PDS5A: variants seen among roughly 807,000 people sequenced by gnomAD.
PDS5A encodes the protein PDS5 cohesin associated factor A.
Under a neutral mutation model 167.1 loss-of-function variants are expected in PDS5A, and 42 were observed. That is an observed-to-expected ratio of 0.25 (90% CI 0.20 to 0.33). The LOEUF (loss-of-function observed/expected upper bound fraction) is 0.33. Among genes scored for constraint, PDS5A ranks in the 10% least tolerant of loss-of-function variants. PDS5A has a pLI of 1.00. For missense variants in PDS5A, 1,033 were observed against 1,605.9 expected (o/e 0.64, Z 6.10); for synonymous variants, 553 against 554.6 (o/e 1.00, Z 0.04).
chr4:39,973,819 CCA>C (rs949790721), intron 2 of PDS5A: 22 of 1,153,300 alleles, frequency 1.9e-5, no homozygotes, highest in Admixed American at 5.1e-5. Flanking sequence ...GGCAGCTATT[CCA>C]CAGACTCAGA....
intron 26 of PDS5A, among the ~76,000 whole-genome samples, chr4:39,861,437 A>G (rs6848394): frequency 0.69 from 104,580 of 152,014 alleles, 37,904 homozygotes; most frequent in Middle Eastern, 0.85. Flanking sequence ...CAGCCTGGGC[A>G]AAAGAGCAAG....
intron 2 of PDS5A, among the ~76,000 whole-genome samples, chr4:39,964,704 T>A (rs763619647): frequency 6.7e-6 from 1 of 148,662 alleles, no homozygotes; most frequent in Non-Finnish European, 1.5e-5. Flanking sequence ...CAAAAAATAA[T>A]AATAAAATAT....
chr4:39,861,563 C>A (rs1361096704), intron 26 of PDS5A, among the ~76,000 whole-genome samples: 1 of 152,018 alleles, frequency 6.6e-6, no homozygotes, highest in Non-Finnish European at 1.5e-5. Context: ...CTATAGTTAA[C>A]AATAATTTAT....
chr4:39,866,611 G>A (rs565412521), intron 23 of PDS5A, among the ~76,000 whole-genome samples: 2 of 152,272 alleles, frequency 1.3e-5, no homozygotes, highest in Admixed American at 6.5e-5. Context: ...AACTGTAATA[G>A]TACAATATAG....
intron 13 of PDS5A, 126 bp from the exon 14 acceptor site, chr4:39,900,633 C>A: frequency 1.6e-6 from 1 of 629,952 alleles, no homozygotes; most frequent in Non-Finnish European, 2.9e-6. Context: ...AGTTTAAATA[C>A]CGGGAAATAT....
chr4:39,909,325 A>G (rs955100192), intron 10 of PDS5A, among the ~76,000 whole-genome samples: 3 of 152,108 alleles, frequency 2.0e-5, no homozygotes, highest in African/African-American at 7.2e-5. Context: ...GGGTTTCACC[A>G]TGTTGGCCAG....
chr4:39,856,415 C>T (rs1188174710), intron 26 of PDS5A, among the ~76,000 whole-genome samples: 1 of 152,124 alleles, frequency 6.6e-6, no homozygotes, highest in Non-Finnish European at 1.5e-5. Context: ...TAATTTAAAG[C>T]CATAAGAAGA....
At chr4:39,956,642 G>A (rs1208721905) in intron 2 of PDS5A, among the ~76,000 whole-genome samples, 1 of 151,476 alleles carries the variant, frequency 6.6e-6, no homozygotes, top group East Asian at 1.9e-4. Flanking sequence ...AAGCTTTATA[G>A]GTATATGCTT....
Position 39,879,760 on chromosome 4 carries a change from T to C in PDS5A, c.1960A>G (p.Thr654Ala). ...DDEEEGVSPD[T>A]AIRSGLELLK... ...AGTTCAAGTCCTGAACGGATAGCTGTATCTGGACTTACACCCTCCTCTTCA... is the reference window on the plus strand; with the variant it reads ...AGTTCAAGTCCTGAACGGATAGCTGCATCTGGACTTACACCCTCCTCTTCA... Residue 654 changes from threonine (T) to alanine (A), a missense_variant, in exon 18 of 33, where the codon ACA becomes GCA. Thr to Ala is a moderately conservative substitution (Grantham distance 58). Transcript: ENST00000303538. 1 of 1,610,492 alleles carries C rather than the reference T, an allele frequency of 6.2e-7. No homozygotes were observed. The highest frequency in any genetic ancestry group is 1.1e-5 in the South Asian group (1 of 91,030).
At chr4:39,874,704 C>T (rs1720323243) in intron 19 of PDS5A, among the ~76,000 whole-genome samples, 1 of 152,128 alleles carries the variant, frequency 6.6e-6, no homozygotes, top group Non-Finnish European at 1.5e-5. Flanking sequence ...AAAGCTTACC[C>T]CATGACATAT....
At chr4:39,891,373 C>A (rs1578680745) in intron 16 of PDS5A, among the ~76,000 whole-genome samples, 2 of 151,534 alleles carry the variant, frequency 1.3e-5, no homozygotes, top group Non-Finnish European at 2.9e-5. Flanking sequence ...TCAGGCCGGG[C>A]GCAGGTGGCT....
intron 2 of PDS5A, among the ~76,000 whole-genome samples, chr4:39,931,486 G>A (rs1318403049): frequency 6.6e-6 from 1 of 152,152 alleles, no homozygotes; most frequent in Non-Finnish European, 1.5e-5. Context: ...GTTATCTGAA[G>A]GCTTGACTGG....
chr4:39,829,984 A>G (rs908539952), intron 32 of PDS5A, among the ~76,000 whole-genome samples: 3 of 125,344 alleles, frequency 2.4e-5, no homozygotes, highest in Non-Finnish European at 5.1e-5. Context: ...AAAAAAAAAA[A>G]GAAATTTCCA....
intron 2 of PDS5A, among the ~76,000 whole-genome samples, chr4:39,955,262 C>T (rs1560515302): frequency 1.3e-5 from 2 of 152,018 alleles, no homozygotes; most frequent in South Asian, 4.1e-4. Context: ...AAACAATACA[C>T]GAATATGGAC....
intron 16 of PDS5A, among the ~76,000 whole-genome samples, chr4:39,891,588 C>T (rs187188207): frequency 5.3e-5 from 8 of 151,808 alleles, no homozygotes; most frequent in Admixed American, 2.6e-4. Context: ...GCGGAGGCTG[C>T]GGTGAGCTGA....
At chr4:39,844,842 T>G in intron 29 of PDS5A, 41 bp from the exon 30 acceptor site, 1 of 1,564,740 alleles carries the variant, frequency 6.4e-7, no homozygotes, top group Non-Finnish European at 8.6e-7. Flanking sequence ...ACACACACGT[T>G]TATACCTTAC....
At chr4:39,875,441 G>T (rs939807444) in intron 19 of PDS5A, among the ~76,000 whole-genome samples, 9 of 152,104 alleles carry the variant, frequency 5.9e-5, no homozygotes, top group African/African-American at 1.9e-4. Context: ...TTTAAGGAAA[G>T]ATATTTGTCA....
At chr4:39,839,884 A>G (rs896001376) in intron 31 of PDS5A, among the ~76,000 whole-genome samples, 5 of 152,026 alleles carry the variant, frequency 3.3e-5, no homozygotes, top group Non-Finnish European at 7.4e-5. Context: ...TCACGAGGTC[A>G]GGAGTTCAAG....
intron 32 of PDS5A, among the ~76,000 whole-genome samples, chr4:39,833,385 G>C (rs934940833): frequency 1.3e-5 from 2 of 151,866 alleles, no homozygotes; most frequent in African/African-American, 4.8e-5. Flanking sequence ...GCTTAAAATT[G>C]GTATTTTGTG....
Sources: gnomAD v4.1 joint callset for allele counts (sites outside exome capture counted in the v4.1 genomes callset) on GRCh38, gnomAD v4.1.1 for gene constraint, MANE v1.5 for transcripts, NCBI Gene and HGNC (gene_info 2026-07-23, HGNC 2026-07-21) for gene names.